Variants in MYO3A observed in about 807,000 individuals in gnomAD.
MYO3A encodes myosin IIIA, also known as myosin-IIIa.
A neutral mutation model predicts 192.7 loss-of-function variants in MYO3A; 180 were observed. The observed-to-expected ratio is 0.93, with a 90% CI of 0.83 to 1.06. The LOEUF is 1.06. Among genes scored for constraint, MYO3A ranks in the 50% least tolerant of loss-of-function variants. The pLI, the probability that MYO3A is intolerant of heterozygous loss-of-function variation, is 0.00. For missense variants in MYO3A, 1,896 were observed against 1,905.0 expected, an observed-to-expected ratio of 1.00 and a Z score of 0.09; for synonymous variants, 628 against 645.3, an observed-to-expected ratio of 0.97 and a Z score of 0.41.
chr10:25,983,349 G>A (rs10828920), intron 4 of MYO3A, among the ~76,000 whole-genome samples: 14,428 of 151,274 alleles, frequency 0.095, 1,217 homozygotes, highest in African/African-American at 0.22. Flanking sequence ...TCCGCCTCCC[G>A]GGTTCATGCC....
At chr10:25,947,778 A>G (rs1836950403) in intron 2 of MYO3A, among the ~76,000 whole-genome samples, 1 of 152,066 alleles carries the variant, frequency 6.6e-6, no homozygotes, top group Admixed American at 6.6e-5. Flanking sequence ...TTTTATATTC[A>G]TTTCTATTTA....
intron 6 of MYO3A, among the ~76,000 whole-genome samples, chr10:26,009,009 A>C (rs889199924): frequency 2.0e-5 from 3 of 151,994 alleles, no homozygotes; most frequent in Non-Finnish European, 2.9e-5. Context: ...CTGGATTAAG[A>C]AAATGTGACA....
At chr10:26,065,644 A>G (rs1397723688) in intron 10 of MYO3A, among the ~76,000 whole-genome samples, 1 of 151,342 alleles carries the variant, frequency 6.6e-6, no homozygotes, top group Non-Finnish European at 1.5e-5. Context: ...GATTTTTACT[A>G]TAAAGCAAAG....
intron 10 of MYO3A, among the ~76,000 whole-genome samples, chr10:26,039,386 G>A (rs1020319964): frequency 5.3e-5 from 8 of 151,852 alleles, no homozygotes; most frequent in Middle Eastern, 3.4e-3. Flanking sequence ...GAATTTTTGC[G>A]TCAAGATGCA....
chr10:26,125,895 G>T (rs1481162334), intron 19 of MYO3A, among the ~76,000 whole-genome samples: 11 of 151,912 alleles, frequency 7.2e-5, no homozygotes, highest in Non-Finnish European at 1.5e-4. Flanking sequence ...GAACTAATAG[G>T]TTTTTTTAAT....
intron 2 of MYO3A, among the ~76,000 whole-genome samples, chr10:25,938,579 A>C (rs1018860493): frequency 1.3e-5 from 2 of 152,188 alleles, no homozygotes; most frequent in Non-Finnish European, 2.9e-5. Flanking sequence ...TTTGAATCTG[A>C]TGTAATCCTT....
chr10:26,120,558 G>A (rs1838794148), intron 17 of MYO3A, 118 bp from the exon 18 acceptor site: 1 of 1,336,838 alleles, frequency 7.5e-7, no homozygotes, highest in South Asian at 1.2e-5. Flanking sequence ...CGTCATCATA[G>A]TCTGTGGATA....
At chr10:26,023,048 T>G (rs1366204609) in intron 8 of MYO3A, 2 of 152,118 alleles carry the variant, frequency 1.3e-5, no homozygotes, top group Non-Finnish European at 2.9e-5. Context: ...AAAAGGAAAT[T>G]TTCAGGAGGA....
At chr10:26,053,428 A>AAAACC (rs1249325204) in intron 10 of MYO3A, among the ~76,000 whole-genome samples, 9 of 152,184 alleles carry the variant, frequency 5.9e-5, no homozygotes, top group Admixed American at 2.6e-4. Flanking sequence ...AAAACAAAAC[A>AAAACC]AAACCTGTTT....
chr10:26,038,633 C>G (rs1331327297), intron 10 of MYO3A, among the ~76,000 whole-genome samples: 3 of 151,986 alleles, frequency 2.0e-5, no homozygotes, highest in African/African-American at 7.2e-5. Context: ...CCTCTGCAAA[C>G]AAGGATAATA....
chr10:26,073,130 G>T (rs1382542223), intron 14 of MYO3A, among the ~76,000 whole-genome samples: 1 of 152,090 alleles, frequency 6.6e-6, no homozygotes, highest in Non-Finnish European at 1.5e-5. Flanking sequence ...AAGCTGAAGT[G>T]GAAGGATTGC....
At position 26,128,620 on chromosome 10, in the gene MYO3A, A is replaced by G. The variant is rs534263170; in HGVS notation, c.2262+82A>G. On this transcript the variant is annotated intron_variant, in intron 20 of 34. Transcript: ENST00000642920. ...GTACAAATGAAGCAGGACCTTAACC[A>G]TAGATTTAATGCCTTAAACATTTTA... 4.5e-6 allele frequency: 6 copies of G among 1,346,760 alleles called. No individual in the cohort carries two copies. The East Asian group carries it at 1.2e-4, about 26-fold the overall frequency. 83.4% of individuals were successfully genotyped at this position (1,346,760 alleles called of 1,614,324 possible).
intron 12 of MYO3A, among the ~76,000 whole-genome samples, chr10:26,069,629 G>A (rs1449755605): frequency 6.6e-6 from 1 of 151,924 alleles, no homozygotes; most frequent in African/African-American, 2.4e-5. Flanking sequence ...CAGGAGATAC[G>A]GGTTTTGGTG....
At chr10:26,036,698 T>G (rs1262298065) in intron 10 of MYO3A, among the ~76,000 whole-genome samples, 1 of 152,196 alleles carries the variant, frequency 6.6e-6, no homozygotes, top group Non-Finnish European at 1.5e-5. Context: ...TAAGTGTTCC[T>G]AAAAGGACCA....
chr10:26,009,891 G>T (rs549177018), intron 6 of MYO3A, among the ~76,000 whole-genome samples: 51 of 152,240 alleles, frequency 3.3e-4, no homozygotes, highest in Non-Finnish European at 5.7e-4. Context: ...GAGGACAATG[G>T]AGCAGGTAAA....
intron 11 of MYO3A, among the ~76,000 whole-genome samples, chr10:26,067,306 T>C (rs187464284): frequency 1.3e-5 from 2 of 152,348 alleles, no homozygotes; most frequent in East Asian, 3.9e-4. Flanking sequence ...AATTTCCAGA[T>C]CTTTCCAGCC....
At chr10:26,029,939 T>C (rs551751417) in intron 10 of MYO3A, among the ~76,000 whole-genome samples, 1 of 152,268 alleles carries the variant, frequency 6.6e-6, no homozygotes, top group Non-Finnish European at 1.5e-5. Context: ...ATTATCTGGT[T>C]TCAAGATTCC....
At chr10:26,011,832 T>A (rs539036668) in intron 6 of MYO3A, among the ~76,000 whole-genome samples, 1 of 152,298 alleles carries the variant, frequency 6.6e-6, no homozygotes, top group South Asian at 2.1e-4. Flanking sequence ...CTGATGAACA[T>A]TGATGCAAAA....
rs111340566 is a variant in MYO3A at position 26,117,803 on chromosome 10, A to G, written c.1777-2873A>G. Reference sequence around the variant, plus strand: ...TTGTGAATAGTGCTGCAATGAACATATGCATACATGTATCTTTATAATAGA... The same window carrying G: ...TTGTGAATAGTGCTGCAATGAACATGTGCATACATGTATCTTTATAATAGA... On this transcript the variant is annotated intron_variant, in intron 17 of 34. Transcript: ENST00000642920. Among the ~76,000 whole-genome samples, 695 of 152,294 alleles carry G rather than the reference A, an allele frequency of 4.6e-3. 8 individuals are homozygous for G. The highest frequency in any genetic ancestry group is 0.015 in the African/African-American group (640 of 41,542).
Sources: allele counts gnomAD v4.1 joint callset (sites outside exome capture counted in the v4.1 genomes callset), GRCh38; gene constraint gnomAD v4.1.1; transcripts MANE v1.5; gene names NCBI Gene and HGNC (gene_info 2026-07-23, HGNC 2026-07-21).